Variants in ZNF106 observed in about 807,000 individuals in gnomAD.
The protein encoded by ZNF106 is SH3-domain binding protein 3.
ZNF106 carries 67 observed loss-of-function variants against 195.1 expected under a neutral mutation model. The observed-to-expected ratio is 0.34, with a 90% CI of 0.28 to 0.42. The LOEUF is 0.42. Ranked by LOEUF, ZNF106 falls within the 10% of genes least tolerant of loss-of-function variation. ZNF106 has a pLI of 1.00. For missense variants in ZNF106, 2,118 were observed against 2,304.5 expected (o/e 0.92, Z 1.66); for synonymous variants, 784 against 818.6 (o/e 0.96, Z 0.72).
At position 42,424,947 on chromosome 15, in the gene ZNF106, G is replaced by A. The variant is rs748587131; in HGVS notation, c.5077C>T (p.Arg1693Ter). 2 of 1,614,020 alleles carry A rather than the reference G, an allele frequency of 1.2e-6. No homozygotes were observed. Among genetic ancestry groups the A allele is most frequent in the African/African-American group, 1.3e-5 (1 of 74,910 alleles). Reference protein sequence around the residue: ...SCLATAQEGARKLLVVGSYDC... With the variant: ...SCLATAQEGA The stretch of plus-strand genomic sequence containing the variant: ...TAAGACCCCACGACCAGCAGTTTTC[G>A]GGCACCTTCCTGAGCTGTAGCAAGA... The change falls in exon 16 of 22, where the codon CGA becomes TGA. Residue 1693 changes from arginine to a stop codon, truncating the protein, a stop_gained. Transcript: ENST00000564754. LOFTEE classifies it high-confidence loss of function.
chr15:42,416,762 GA>G lies in ZNF106; in HGVS notation c.*541del, dbSNP rs1255191508. On this transcript the variant is annotated 3_prime_UTR_variant, in exon 22 of 22. Transcript: ENST00000564754. ...AAAGCCAGCTCTATCTATAAAGCAA[GA>G]AAACAGTGACACACACTGCACATAA... The G allele has an allele frequency of 6.6e-6, 1 of 152,232 alleles. No homozygotes were observed. The allele number at this position is 152,232 out of a possible 1,614,324, so 9.4% of individuals were successfully genotyped here. A position where few individuals can be genotyped will look rare whatever the true frequency, so the allele number is the denominator to read the frequency against.
At chr15:42,435,255 A>C (rs2055229318) in intron 14 of ZNF106, 129 bp downstream of exon 14, 2 of 1,287,232 alleles carry the variant, frequency 1.6e-6, no homozygotes, top group Non-Finnish European at 2.2e-6. Context: ...ACAATGTGCT[A>C]AACATTGTTT....
At chr15:42,490,240 AAAG>A (rs904029550) in intron 1 of ZNF106, 4 of 151,952 alleles carry the variant, frequency 2.6e-5, no homozygotes, top group African/African-American at 7.3e-5. Context: ...AAAAAAAAAA[AAAG>A]AAGTTATTTG....
chr15:42,478,422 A>G (rs2056829820), intron 1 of ZNF106, among the ~76,000 whole-genome samples: 1 of 151,910 alleles, frequency 6.6e-6, no homozygotes, highest in Non-Finnish European at 1.5e-5. Flanking sequence ...TCGGCCTCCC[A>G]AAGTGTTGGG....
intron 15 of ZNF106, among the ~76,000 whole-genome samples, 196 bp from the exon 16 acceptor site, chr15:42,425,221 G>C (rs2054811373): frequency 6.6e-6 from 1 of 152,104 alleles, no homozygotes; most frequent in African/African-American, 2.4e-5. Context: ...CCCCTGATCT[G>C]AGGAGGGCAA....
chr15:42,474,931 G>T (rs1274731883), intron 1 of ZNF106, among the ~76,000 whole-genome samples: 2 of 152,012 alleles, frequency 1.3e-5, no homozygotes, highest in African/African-American at 4.8e-5. Flanking sequence ...AAAACATCAG[G>T]CTCTAATAGA....
At chr15:42,427,074 A>C (rs2054887446) in intron 15 of ZNF106, among the ~76,000 whole-genome samples, 1 of 152,226 alleles carries the variant, frequency 6.6e-6, no homozygotes, top group African/African-American at 2.4e-5. Context: ...CATGGTTACA[A>C]GATGACCAGA....
In ZNF106 at chr15:42,450,756, G is replaced by A. The variant is rs1458470209; in HGVS notation, c.1516C>T (p.Pro506Ser). 6.2e-7 allele frequency: 1 copy of A among 1,614,038 alleles called. No individual in the cohort carries two copies. ...TTCGAGGGATTTGAGTGTTCTCCAG[G>A]GGAAAAAAAATTTGTTTTGGTGTTT... ...SKNTKTNFFS[P>S]GEHSNPSNKP... The change falls in exon 5 of 22, where the codon CCT becomes TCT. Residue 506 changes from proline (P) to serine (S), a missense_variant. By Grantham distance (74) the Pro-to-Ser change is moderately conservative (BLOSUM62 -1). Coordinates refer to ENST00000564754, the MANE Select transcript of ZNF106 (RefSeq NM_001366845.3).
intron 1 of ZNF106, among the ~76,000 whole-genome samples, chr15:42,473,997 CT>C (rs1199360776): frequency 6.6e-6 from 1 of 152,154 alleles, no homozygotes; most frequent in Non-Finnish European, 1.5e-5. Context: ...AAAAAAAGAA[CT>C]GAGGCCCCCA....
intron 1 of ZNF106, among the ~76,000 whole-genome samples, chr15:42,490,569 G>A (rs1435944351): frequency 6.6e-6 from 1 of 152,160 alleles, no homozygotes; most frequent in South Asian, 2.1e-4. Flanking sequence ...GGAGAGAAAC[G>A]AAAGGAGGAA....
At chr15:42,456,008 G>A (rs1268669543) in intron 4 of ZNF106, among the ~76,000 whole-genome samples, 1 of 152,034 alleles carries the variant, frequency 6.6e-6, no homozygotes, top group Non-Finnish European at 1.5e-5. Context: ...ATAAATGTAG[G>A]TATGAAATTA....
intron 14 of ZNF106, among the ~76,000 whole-genome samples, chr15:42,430,028 G>A (rs1050612659): frequency 6.6e-6 from 1 of 152,000 alleles, no homozygotes; most frequent in African/African-American, 2.4e-5. Flanking sequence ...AATGGTCTAC[G>A]TTTTGATCTT....
chr15:42,468,667 C>T (rs1336161162), intron 2 of ZNF106, among the ~76,000 whole-genome samples: 4 of 151,630 alleles, frequency 2.6e-5, no homozygotes, highest in Non-Finnish European at 4.4e-5. Context: ...CGCTTGAACC[C>T]AGGAGGCGGA....
rs1372753160 is a variant in ZNF106, at chr15:42,452,289, G to A, written c.318-335C>T. 5.3e-5 allele frequency among the ~76,000 whole-genome samples: 8 copies of A among 152,118 alleles called. No individual in the cohort carries two copies. The East Asian group carries it at 1.2e-3, about 22-fold the overall frequency. ...TATAATTCCAGCACTTTGGGAGGCC[G>A]AGGCGGGCAGTTCACTTTAGGTCAG... On this transcript the variant is annotated intron_variant, in intron 4 of 21. Coordinates refer to ENST00000564754, the MANE Select transcript of ZNF106 (RefSeq NM_001366845.3).
chr15:42,467,550 G>A (rs372613239), intron 2 of ZNF106, among the ~76,000 whole-genome samples: 3 of 152,076 alleles, frequency 2.0e-5, no homozygotes, highest in African/African-American at 7.2e-5. Context: ...CCAGCACTTT[G>A]GGAGGCTGAG....
At chr15:42,465,069 G>A (rs745375417) in intron 3 of ZNF106, among the ~76,000 whole-genome samples, 36 of 152,226 alleles carry the variant, frequency 2.4e-4, no homozygotes, top group Non-Finnish European at 1.6e-4. Flanking sequence ...TATTAGCAGC[G>A]TGAGAATAGA....
chr15:42,421,828 T>G, intron 19 of ZNF106, 89 bp downstream of exon 19: 2 of 1,058,798 alleles, frequency 1.9e-6, no homozygotes, highest in Non-Finnish European at 2.7e-6. Context: ...ATGAGGCATA[T>G]CAGAAGCAGA....
Position 42,448,240 on chromosome 15 carries a change from C to G in ZNF106, c.2967G>C (p.Glu989Asp). The stretch of plus-strand genomic sequence containing the variant: ...CATTACTCTCCTGGGAATTCTGATT[C>G]TCTGACGGTGGTATAGACCTCTCCT... ...NSQERSIPPSENQNSQESNGE... is the reference protein window; with the variant it reads ...NSQERSIPPSDNQNSQESNGE... The change falls in exon 6 of 22, where the codon GAG becomes GAC. Residue 989 changes from glutamate (E) to aspartate (D), a missense_variant. Physicochemically the swap from Glu to Asp is conservative, Grantham distance 45. Coordinates refer to ENST00000564754, the MANE Select transcript of ZNF106 (RefSeq NM_001366845.3). 6.2e-7 allele frequency: 1 copy of G among 1,614,184 alleles called. No homozygotes were observed. Among genetic ancestry groups the G allele is most frequent in the Non-Finnish European group, 8.5e-7 (1 of 1,180,024 alleles).
chr15:42,419,977 A>G lies in ZNF106; in HGVS notation c.5517+1084T>C, dbSNP rs373908382. Among the ~76,000 whole-genome samples, 9 of 152,230 alleles carry G rather than the reference A, an allele frequency of 5.9e-5. No homozygotes were observed. In the East Asian group the frequency reaches 1.4e-3, roughly 23 times the overall value. On this transcript the variant is annotated intron_variant, in intron 20 of 21. Coordinates refer to ENST00000564754, the MANE Select transcript of ZNF106 (RefSeq NM_001366845.3). Reference sequence around the variant, plus strand: ...AAAACAAAACAAAACAAAAAAAGTAATGCAAAGTTAAGTTTTTCCTCTGTC... The same window carrying G: ...AAAACAAAACAAAACAAAAAAAGTAGTGCAAAGTTAAGTTTTTCCTCTGTC...
Sources: gnomAD v4.1 joint callset for allele counts (sites outside exome capture counted in the v4.1 genomes callset) on GRCh38, gnomAD v4.1.1 for gene constraint, MANE v1.5 for transcripts, NCBI Gene and HGNC (gene_info 2026-07-23, HGNC 2026-07-21) for gene names.